The following PDE1A variants were observed in gnomAD, a reference collection of about 807,000 sequenced individuals.
PDE1A encodes phosphodiesterase 1A, also known as dual specificity calcium/calmodulin-dependent 3',5'-cyclic nucleotide phosphodiesterase 1A.
A neutral mutation model predicts 61.7 loss-of-function variants in PDE1A; 35 were observed. The ratio of observed to expected loss-of-function variants is 0.57; its 90% CI spans 0.43 to 0.75. The LOEUF (loss-of-function observed/expected upper bound fraction) is 0.75. Ranked by LOEUF, PDE1A falls within the 30% of genes least tolerant of loss-of-function variation. The probability of loss-of-function intolerance (pLI) is 0.00; values close to 1 mark genes in which losing one functional copy is unlikely to be tolerated. For synonymous variants in PDE1A, 232 were observed against 213.2 expected (o/e 1.09, Z -0.77); for missense variants, 597 against 630.6 (o/e 0.95, Z 0.57).
intron 1 of PDE1A, among the ~76,000 whole-genome samples, chr2:182,420,096 T>G (rs1223201574): frequency 6.6e-6 from 1 of 151,802 alleles, no homozygotes; most frequent in Non-Finnish European, 1.5e-5. Flanking sequence ...GCAGAAGAGG[T>G]GCAGATAAAA....
chr2:182,518,901 C>A (rs1438757981), intron 2 of PDE1A, among the ~76,000 whole-genome samples: 1 of 151,896 alleles, frequency 6.6e-6, no homozygotes, highest in Non-Finnish European at 1.5e-5. Flanking sequence ...ATGTCACTAA[C>A]TGGAAAGAGC....
At chr2:182,206,503 T>C (rs7567423) in intron 7 of PDE1A, among the ~76,000 whole-genome samples, 34,802 of 152,180 alleles carry the variant, frequency 0.23, 4,428 homozygotes, top group East Asian at 0.32. Flanking sequence ...TCTACTATTA[T>C]AGTACCATAC....
At chr2:182,214,110 T>A (rs1312268057) in intron 7 of PDE1A, among the ~76,000 whole-genome samples, 9 of 150,330 alleles carry the variant, frequency 6.0e-5, no homozygotes, top group African/African-American at 2.0e-4. Context: ...TGGGGGCCAA[T>A]ATTCAACATT....
At chr2:182,265,852 T>G (rs1048057322) in intron 1 of PDE1A, among the ~76,000 whole-genome samples, 36 of 152,196 alleles carry the variant, frequency 2.4e-4, no homozygotes, top group African/African-American at 8.2e-4. Flanking sequence ...AGACAGAATT[T>G]AATTCCATTC....
the PDE1A span, among the ~76,000 whole-genome samples, chr2:182,528,734 C>A: frequency 2.0e-5 from 3 of 152,170 alleles, no homozygotes; most frequent in Non-Finnish European, 2.9e-5. Flanking sequence ...CTGTGTACAG[C>A]CTAGGGATTT....
the PDE1A span, among the ~76,000 whole-genome samples, chr2:182,668,033 A>G: frequency 2.6e-5 from 4 of 152,344 alleles, no homozygotes; most frequent in South Asian, 8.3e-4. Context: ...CATGGACTTC[A>G]GTCAAAGGGA....
chr2:182,387,923 A>G (rs1701210236), intron 1 of PDE1A, among the ~76,000 whole-genome samples: 1 of 152,230 alleles, frequency 6.6e-6, no homozygotes, highest in Non-Finnish European at 1.5e-5. Context: ...AGACCCAAGT[A>G]TATGCTGCCT....
chr2:182,468,471 C>G (rs1324314092), intron 2 of PDE1A, among the ~76,000 whole-genome samples: 1 of 151,958 alleles, frequency 6.6e-6, no homozygotes, highest in Non-Finnish European at 1.5e-5. Flanking sequence ...CATCTTCAGG[C>G]TCTATTTTTA....
intron 2 of PDE1A, among the ~76,000 whole-genome samples, chr2:182,480,697 T>C (rs1364873339): frequency 6.6e-6 from 1 of 151,938 alleles, no homozygotes; most frequent in African/African-American, 2.4e-5. Context: ...TATGACACTT[T>C]ATATAACGGA....
intron 1 of PDE1A, among the ~76,000 whole-genome samples, chr2:182,331,424 C>T (rs1020247441): frequency 2.5e-4 from 38 of 152,112 alleles, no homozygotes; most frequent in Admixed American, 5.9e-4. Context: ...TAATAGTTGA[C>T]GCAGTTTCTT....
intron 2 of PDE1A, among the ~76,000 whole-genome samples, chr2:182,497,383 A>T (rs1688780960): frequency 6.6e-6 from 1 of 152,234 alleles, no homozygotes; most frequent in African/African-American, 2.4e-5. Context: ...GTATCACAGC[A>T]GTCAGGGAAG....
intron 2 of PDE1A, among the ~76,000 whole-genome samples, chr2:182,481,787 G>A (rs764244825): frequency 1.4e-4 from 21 of 152,016 alleles, no homozygotes; most frequent in Non-Finnish European, 2.2e-4. Context: ...AGAGCAGATG[G>A]CACATGGCCC....
chr2:182,548,511 A>G, the PDE1A span, among the ~76,000 whole-genome samples: 1 of 152,190 alleles, frequency 6.6e-6, no homozygotes, highest in African/African-American at 2.4e-5. Context: ...GAGGTCAAAG[A>G]AACATTTGGG....
In PDE1A at chr2:182,278,641, T is replaced by C. The variant is rs117571968; in HGVS notation, c.54-14227A>G. ...GACTTCAAAATTACATGGATACTTATCAACACTAAAAATCTAACTGAAACA... is the reference window on the plus strand; with the variant it reads ...GACTTCAAAATTACATGGATACTTACCAACACTAAAAATCTAACTGAAACA... On this transcript the variant is annotated intron_variant, in intron 1 of 13. Transcript: ENST00000351439. Among the ~76,000 whole-genome samples, 134 of 152,082 alleles carry C rather than the reference T, an allele frequency of 8.8e-4. 1 individual carries two copies. The East Asian group carries it at 0.025, about 28-fold the overall frequency.
intron 1 of PDE1A, among the ~76,000 whole-genome samples, chr2:182,271,875 GA>G (rs1353419447): frequency 7.1e-6 from 1 of 141,506 alleles, no homozygotes; most frequent in Admixed American, 6.9e-5. Flanking sequence ...AGACTGAAAA[GA>G]ACTATTAAGA....
intron 1 of PDE1A, among the ~76,000 whole-genome samples, chr2:182,413,045 C>T (rs978419383): frequency 1.3e-5 from 2 of 152,110 alleles, no homozygotes; most frequent in Non-Finnish European, 2.9e-5. Flanking sequence ...AGCATAAAAG[C>T]AGACAAAGCA....
the PDE1A span, among the ~76,000 whole-genome samples, chr2:182,689,649 G>A: frequency 6.6e-6 from 1 of 152,162 alleles, no homozygotes. Context: ...ACATTCAAAA[G>A]TTAGCAGAAG....
rs546218471 is a variant in PDE1A at position 182,355,599 on chromosome 2, A to G, written c.53+70979T>C. ...CAGCCAGAGTGTGCCATATCTCATC[A>G]TACATCTGAATTTTACATGTATCCA... On this transcript the variant is annotated intron_variant, in intron 1 of 13. Coordinates refer to ENST00000351439, the Ensembl canonical transcript of PDE1A. Among the ~76,000 whole-genome samples, 92 of 152,104 alleles carry G rather than the reference A, an allele frequency of 6.0e-4. 1 individual carries two copies. The highest frequency in any genetic ancestry group is 2.1e-3 in the African/African-American group (88 of 41,558).
intron 1 of PDE1A, among the ~76,000 whole-genome samples, chr2:182,368,998 AG>A (rs1471946979): frequency 6.6e-6 from 1 of 151,524 alleles, no homozygotes; most frequent in Non-Finnish European, 1.5e-5. Flanking sequence ...GCCTAGTTGT[AG>A]GGAGTTAGAC....
Sources: allele counts gnomAD v4.1 joint callset (sites outside exome capture counted in the v4.1 genomes callset), GRCh38; gene constraint gnomAD v4.1.1; transcripts MANE v1.5; gene names NCBI Gene and HGNC (gene_info 2026-07-23, HGNC 2026-07-21).